FBXL13: variants seen among roughly 807,000 people sequenced by gnomAD.
FBXL13 encodes F-box and leucine rich repeat protein 13, also known as F-box and leucine-rich repeat protein 13.
Under a neutral mutation model 83.6 loss-of-function variants are expected in FBXL13, and 67 were observed. That is an observed-to-expected ratio of 0.80 (90% confidence interval 0.66 to 0.98). The LOEUF (loss-of-function observed/expected upper bound fraction) is 0.98. FBXL13 is among the 50% of genes least tolerant of loss of function. The pLI is 0.00. For missense variants in FBXL13, 822 were observed against 866.5 expected (o/e 0.95, Z 0.64); for synonymous variants, 272 against 299.5 (o/e 0.91, Z 0.95).
intron 8 of FBXL13, among the ~76,000 whole-genome samples, chr7:102,937,779 G>C (rs1243403391): frequency 6.6e-6 from 1 of 152,136 alleles, no homozygotes; most frequent in Non-Finnish European, 1.5e-5. Context: ...AGCAACCATT[G>C]AAAGTGAAAA....
upstream of FBXL13, chr7:103,074,607 T>C (rs1799464987): frequency 8.0e-7 from 1 of 1,255,712 alleles, no homozygotes; most frequent in Non-Finnish European, 1.0e-6. Flanking sequence ...TCCCGAAACC[T>C]AGTCCCTCCT....
intron 8 of FBXL13, among the ~76,000 whole-genome samples, chr7:102,947,561 G>A (rs1031533822): frequency 3.9e-5 from 6 of 152,134 alleles, no homozygotes. Flanking sequence ...TCAGGGAAGT[G>A]TAGTTGATTC....
chr7:102,837,423 T>C (rs1258222677), intron 17 of FBXL13, among the ~76,000 whole-genome samples: 1 of 152,220 alleles, frequency 6.6e-6, no homozygotes, highest in Non-Finnish European at 1.5e-5. Flanking sequence ...AAAGACACTT[T>C]CATGATGAAA....
chr7:102,940,994 T>C (rs1821317893), intron 8 of FBXL13, among the ~76,000 whole-genome samples: 1 of 152,230 alleles, frequency 6.6e-6, no homozygotes, highest in Non-Finnish European at 1.5e-5. Context: ...CATTAGAATT[T>C]TAACACAATA....
intron 18 of FBXL13, among the ~76,000 whole-genome samples, chr7:102,831,326 G>A (rs564518518): frequency 6.6e-6 from 1 of 151,776 alleles, no homozygotes; most frequent in Admixed American, 6.6e-5. Flanking sequence ...GGAGGGATGG[G>A]ATCTTATGTG....
chr7:102,967,266 CTTTCTTTTTTTT>C (rs1826074304), intron 7 of FBXL13, among the ~76,000 whole-genome samples: 1 of 56,182 alleles, frequency 1.8e-5, no homozygotes, highest in African/African-American at 5.1e-5. Flanking sequence ...CCAATCCTCT[CTTTCTTTTTTTT>C]TTTTTTTTGA....
intron 11 of FBXL13, among the ~76,000 whole-genome samples, chr7:102,910,741 C>G (rs948185322): frequency 6.6e-6 from 1 of 152,132 alleles, no homozygotes; most frequent in East Asian, 1.9e-4. Flanking sequence ...TACAGGCGTG[C>G]AAGAGAAAAG....
intron 6 of FBXL13, among the ~76,000 whole-genome samples, chr7:103,019,023 C>G (rs1431433262): frequency 1.3e-5 from 2 of 152,164 alleles, no homozygotes; most frequent in Non-Finnish European, 2.9e-5. Flanking sequence ...AATATACATT[C>G]TTCGCAGCAC....
rs774866594 is a variant in FBXL13, at chr7:103,027,576, G to A, written c.218-18C>T. ...TAGAATATCTGAAGGAAATTTACTA[G>A]ATTACTGTATATATTAATAGTTATA... On this transcript the variant is annotated intron_variant, in intron 4 of 19. Transcript: ENST00000313221. 6.7e-7 allele frequency: 1 copy of A among 1,487,308 alleles called. No individual in the cohort carries two copies. Among genetic ancestry groups the A allele is most frequent in the Non-Finnish European group, 9.3e-7 (1 of 1,069,524 alleles). 92.1% of individuals were successfully genotyped at this position (1,487,308 alleles called of 1,614,324 possible).
At chr7:102,826,769 A>ATATATATATATATATATATATATG (rs1414065543) in intron 18 of FBXL13, among the ~76,000 whole-genome samples, 7 of 100,742 alleles carry the variant, frequency 6.9e-5, no homozygotes, top group Non-Finnish European at 1.2e-4. Context: ...ATATATATAT[A>ATATATATATATATATATATATATG]TATGTATATA....
At chr7:102,905,787 T>C (rs910091512) in intron 11 of FBXL13, among the ~76,000 whole-genome samples, 3 of 152,208 alleles carry the variant, frequency 2.0e-5, no homozygotes, top group African/African-American at 7.2e-5. Flanking sequence ...ATCTACTGTA[T>C]GATTTTTGGC....
At chr7:102,995,783 C>CTAAATAAATAAATAAATAAATAAA (rs59828511) in intron 6 of FBXL13, among the ~76,000 whole-genome samples, 5 of 142,574 alleles carry the variant, frequency 3.5e-5, no homozygotes, top group Non-Finnish European at 7.6e-5. Flanking sequence ...AAGACTCTGT[C>CTAAATAAATAAATAAATAAATAAA]TAAATAAATA....
chr7:103,019,206 C>T lies in FBXL13; in HGVS notation c.495+5857G>A, dbSNP rs777413211. Among the ~76,000 whole-genome samples, 183 of 152,300 alleles carry T rather than the reference C, an allele frequency of 1.2e-3. 1 individual carries two copies. Among genetic ancestry groups the T allele is most frequent in the Non-Finnish European group, 2.2e-3 (153 of 68,026 alleles). ...GCTCAACTACATGGAAACTGAATAA[C>T]CTGCTTCTGAATGACTACTGGGTAC... On this transcript the variant is annotated intron_variant, in intron 6 of 19. Coordinates refer to ENST00000313221, the Ensembl canonical transcript of FBXL13.
At chr7:103,049,415 TAC>T (rs1314144634) in intron 2 of FBXL13, among the ~76,000 whole-genome samples, 1 of 152,216 alleles carries the variant, frequency 6.6e-6, no homozygotes, top group East Asian at 1.9e-4. Context: ...TAAAAAGCAT[TAC>T]AGTTTTTCTT....
intron 1 of FBXL13, among the ~76,000 whole-genome samples, chr7:103,070,267 C>T (rs1798817477): frequency 1.3e-5 from 2 of 151,882 alleles, no homozygotes; most frequent in Admixed American, 1.3e-4. Context: ...AGTCTCACTC[C>T]ATCACCCAGG....
intron 14 of FBXL13, among the ~76,000 whole-genome samples, chr7:102,879,138 A>G (rs905707667): frequency 2.0e-5 from 3 of 152,206 alleles, no homozygotes; most frequent in South Asian, 2.1e-4. Context: ...TCCTTCTAAG[A>G]AGCATTTCAG....
intron 2 of FBXL13, among the ~76,000 whole-genome samples, chr7:103,036,267 T>A (rs538129941): frequency 6.6e-6 from 1 of 152,260 alleles, no homozygotes; most frequent in African/African-American, 2.4e-5. Context: ...TGTTCTAGAA[T>A]AATAATAGCA....
At chr7:102,862,603 G>A (rs933484131) in intron 16 of FBXL13, among the ~76,000 whole-genome samples, 2 of 152,162 alleles carry the variant, frequency 1.3e-5, no homozygotes, top group Non-Finnish European at 2.9e-5. Context: ...CAGCACAAAT[G>A]TGCTAATATT....
intron 2 of FBXL13, 84 bp downstream of exon 3, chr7:103,055,004 C>A: frequency 1.2e-6 from 1 of 831,090 alleles, no homozygotes. Flanking sequence ...TGACCTCACA[C>A]CTCCCATAAA....
Sources: gnomAD v4.1 joint callset for allele counts (sites outside exome capture counted in the v4.1 genomes callset) on GRCh38, gnomAD v4.1.1 for gene constraint, MANE v1.5 for transcripts, NCBI Gene and HGNC (gene_info 2026-07-23, HGNC 2026-07-21) for gene names.